NUP54: variants seen among roughly 807,000 people sequenced by gnomAD.
NUP54 encodes nucleoporin 54.
NUP54 carries 27 observed loss-of-function variants against 66.4 expected under a neutral mutation model. That is an observed-to-expected ratio of 0.41 (90% CI 0.30 to 0.56). NUP54 has a LOEUF of 0.56. Ranked by LOEUF, NUP54 falls within the 20% of genes least tolerant of loss-of-function variation. The pLI, the probability that NUP54 is intolerant of heterozygous loss-of-function variation, is 0.34. For synonymous variants in NUP54, 206 were observed against 210.7 expected (o/e 0.98, Z 0.19); for missense variants, 486 against 596.3 (o/e 0.82, Z 1.93).
intron 7 of NUP54, 197 bp from the exon 8 acceptor site, chr4:76,130,946 T>C: frequency 1.6e-6 from 1 of 608,008 alleles, no homozygotes; most frequent in South Asian, 2.1e-5. Flanking sequence ...GGAAATACAG[T>C]TCAGTCAAAA....
intron 8 of NUP54, among the ~76,000 whole-genome samples, chr4:76,125,340 A>ACGTGCG (rs1236278261): frequency 6.7e-6 from 1 of 148,896 alleles, no homozygotes; most frequent in East Asian, 2.1e-4. Context: ...ACACACACAC[A>ACGTGCG]CACACACACA....
chr4:76,140,657 G>T (rs995524221), intron 3 of NUP54, among the ~76,000 whole-genome samples: 1 of 152,076 alleles, frequency 6.6e-6, no homozygotes, highest in Non-Finnish European at 1.5e-5. Flanking sequence ...AGAGAATAAA[G>T]GTTTAAAATT....
intron 1 of NUP54, chr4:76,146,151 A>C (rs1731489415): frequency 2.2e-6 from 1 of 444,490 alleles, no homozygotes; most frequent in Non-Finnish European, 4.5e-6. Flanking sequence ...CAAAATAAAA[A>C]GTAAACAAGA....
intron 8 of NUP54, among the ~76,000 whole-genome samples, chr4:76,126,980 T>C (rs1388035031): frequency 6.6e-6 from 1 of 151,760 alleles, no homozygotes; most frequent in East Asian, 1.9e-4. Flanking sequence ...TACAAAGCCA[T>C]AAGACTAAAA....
At chr4:76,124,248 T>G (rs951978623) in intron 9 of NUP54, among the ~76,000 whole-genome samples, 1 of 152,216 alleles carries the variant, frequency 6.6e-6, no homozygotes, top group Non-Finnish European at 1.5e-5. Context: ...TAATTCCTCC[T>G]GTTAATTTGG....
intron 3 of NUP54, among the ~76,000 whole-genome samples, chr4:76,142,741 G>A (rs62300629): frequency 0.13 from 20,018 of 152,158 alleles, 1,547 homozygotes; most frequent in East Asian, 0.35. Flanking sequence ...GGACTTGGGA[G>A]CCAACTTGAA....
chr4:76,124,315 ATT>A (rs1730364472), intron 9 of NUP54, among the ~76,000 whole-genome samples: 1 of 152,116 alleles, frequency 6.6e-6, no homozygotes, highest in African/African-American at 2.4e-5. Context: ...CACTCAAAAA[ATT>A]TTCTGAACTA....
intron 5 of NUP54, 63 bp downstream of exon 5, chr4:76,134,112 G>A: frequency 8.4e-7 from 1 of 1,185,312 alleles, no homozygotes; most frequent in Non-Finnish European, 1.2e-6. Flanking sequence ...AAACATTATT[G>A]ATCACTCCCT....
At chr4:76,126,169 T>G (rs1165799977) in intron 8 of NUP54, among the ~76,000 whole-genome samples, 3 of 152,144 alleles carry the variant, frequency 2.0e-5, no homozygotes, top group Non-Finnish European at 4.4e-5. Context: ...AGGATACATT[T>G]TTATGCCTCT....
rs142821483 is a variant in NUP54 at position 76,115,591 on chromosome 4, C to G, written c.1396-97G>C. 1.7e-5 allele frequency: 14 copies of G among 830,738 alleles called. No individual in the cohort carries two copies. In the East Asian group the frequency reaches 4.1e-4, roughly 24 times the overall value. The allele number at this position is 830,738 out of a possible 1,614,324, so 51.5% of individuals were successfully genotyped here. ...GACTCCACTTTGACTATTTTACTAG[C>G]AACACAGTACCTAGTAAGTGCTCTA... On this transcript the variant is annotated intron_variant, in intron 11 of 11. Coordinates refer to ENST00000264883, the MANE Select transcript of NUP54 (RefSeq NM_017426.4).
chr4:76,138,388 T>C (rs990333756), intron 3 of NUP54, among the ~76,000 whole-genome samples: 1 of 152,210 alleles, frequency 6.6e-6, no homozygotes, highest in Non-Finnish European at 1.5e-5. Flanking sequence ...ACATCCTCCT[T>C]GAAAGCCCTT....
chr4:76,124,122 A>C (rs1730356538), intron 9 of NUP54, among the ~76,000 whole-genome samples: 1 of 151,892 alleles, frequency 6.6e-6, no homozygotes, highest in African/African-American at 2.4e-5. Flanking sequence ...TTAAATGAGA[A>C]TTTTTTATGG....
At chr4:76,118,273 TGAAA>T in intron 9 of NUP54, 79 bp from the exon 10 acceptor site, 1 of 1,303,864 alleles carries the variant, frequency 7.7e-7, no homozygotes, top group Admixed American at 1.8e-5. Context: ...AATTAGTTAC[TGAAA>T]GAAATCAGCT....
At chr4:76,130,587 A>G in intron 8 of NUP54, 69 bp downstream of exon 8, 1 of 1,042,194 alleles carries the variant, frequency 9.6e-7, no homozygotes, top group South Asian at 1.3e-5. Context: ...ACATATACTA[A>G]AAAGAATTAA....
chr4:76,143,103 T>C (rs1304609513), intron 3 of NUP54, among the ~76,000 whole-genome samples: 3 of 152,002 alleles, frequency 2.0e-5, no homozygotes, highest in Non-Finnish European at 4.4e-5. Context: ...TTATATGTCT[T>C]CTGATAAAAA....
chr4:76,139,724 T>C (rs1318728833), intron 3 of NUP54, among the ~76,000 whole-genome samples: 1 of 152,118 alleles, frequency 6.6e-6, no homozygotes, highest in African/African-American at 2.4e-5. Context: ...AAGAGAGAAG[T>C]ATAGTAAAGT....
At chr4:76,136,460 CTT>C (rs1731044741) in intron 3 of NUP54, 48 bp from the exon 4 acceptor site, 1 of 1,511,176 alleles carries the variant, frequency 6.6e-7, no homozygotes, top group Non-Finnish European at 9.1e-7. Context: ...CAAAACAAAA[CTT>C]AATCCAGATC....
intron 8 of NUP54, among the ~76,000 whole-genome samples, chr4:76,128,417 A>G (rs2109875831): frequency 6.6e-6 from 1 of 152,078 alleles, no homozygotes; most frequent in Non-Finnish European, 1.5e-5. Context: ...AAAAGTCCAA[A>G]TAACTCAAAA....
At chr4:76,117,926 G>A (rs1730024716) in intron 10 of NUP54, 149 bp downstream of exon 10, 1 of 1,006,308 alleles carries the variant, frequency 9.9e-7, no homozygotes, top group Non-Finnish European at 1.5e-6. Flanking sequence ...CTAGCCAAAA[G>A]AACCATGACT....
Sources: allele counts gnomAD v4.1 joint callset (sites outside exome capture counted in the v4.1 genomes callset), GRCh38; gene constraint gnomAD v4.1.1; transcripts MANE v1.5; gene names NCBI Gene and HGNC (gene_info 2026-07-23, HGNC 2026-07-21).